Variants in NLRP14 observed in about 807,000 individuals in gnomAD.
NLRP14 encodes the protein NACHT, LRR and PYD domains-containing protein 14.
In NLRP14, 105 loss-of-function variants were observed where a neutral mutation model predicts 94.7. The ratio of observed to expected loss-of-function variants is 1.11; its 90% confidence interval spans 0.95 to 1.30. The LOEUF is 1.30. NLRP14 is among the 50% of genes most tolerant of loss of function. The pLI, the probability that NLRP14 is intolerant of heterozygous loss-of-function variation, is 0.00. For synonymous variants in NLRP14, 508 were observed against 459.9 expected (o/e 1.10, Z -1.34); for missense variants, 1,362 against 1,254.1 (o/e 1.09, Z -1.30).
At chr11:7,060,872 A>G (rs968490823) in intron 9 of NLRP14, among the ~76,000 whole-genome samples, 4 of 152,076 alleles carry the variant, frequency 2.6e-5, no homozygotes, top group African/African-American at 9.7e-5. Context: ...AAAAAAAGAA[A>G]TACATTGAAA....
chr11:7,080,017 A>T, the NLRP14 span, among the ~76,000 whole-genome samples: 2 of 152,224 alleles, frequency 1.3e-5, no homozygotes, highest in African/African-American at 4.8e-5. Context: ...ACTGGCGGGA[A>T]GGTTGTTTAC....
Position 7,042,410 on chromosome 11 carries a change from T to C in NLRP14, c.384T>C (p.Asn128=), listed in dbSNP as rs368336982. The change falls in exon 4 of 12, where the codon AAT becomes AAC. Residue 128 remains asparagine (N), a synonymous_variant. Coordinates refer to ENST00000299481, the MANE Select transcript of NLRP14 (RefSeq NM_176822.4). Reference sequence around the variant, plus strand: ...TAGGTGATGGAACAGAATACAGAAATAGAATAAAGGAAAAATTTTGCATCA... The same window carrying C: ...TAGGTGATGGAACAGAATACAGAAACAGAATAAAGGAAAAATTTTGCATCA... ...AVLGDGTEYR[N]RIKEKFCITW... is the part of the protein sequence containing the mutation. 1.8e-5 allele frequency: 29 copies of C among 1,613,926 alleles called. No individual in the cohort carries two copies. In the African/African-American group the frequency reaches 3.5e-4, roughly 19 times the overall value.
intron 6 of NLRP14, among the ~76,000 whole-genome samples, chr11:7,054,891 TG>T (rs763876637): frequency 1.3e-5 from 2 of 152,174 alleles, no homozygotes; most frequent in Non-Finnish European, 2.9e-5. Flanking sequence ...TCCAATGTCC[TG>T]GAGCATTTCC....
At chr11:7,073,962 G>C (rs922779167), downstream of NLRP14, among the ~76,000 whole-genome samples, 1 of 152,056 alleles carries the variant, frequency 6.6e-6, no homozygotes, top group African/African-American at 2.4e-5. Flanking sequence ...TTTGGAGGTC[G>C]GGATGGGGAG....
At chr11:7,024,485 A>G (rs1313296803) in intron 1 of NLRP14, among the ~76,000 whole-genome samples, 1 of 152,168 alleles carries the variant, frequency 6.6e-6, no homozygotes, top group Non-Finnish European at 1.5e-5. Context: ...AAAGACCCCT[A>G]CTTGAATGAG....
Position 7,067,050 on chromosome 11 carries a change from C to T in NLRP14, c.2976-3236C>T, listed in dbSNP as rs917086439. Among the ~76,000 whole-genome samples, 3 of 151,962 alleles carry T rather than the reference C, an allele frequency of 2.0e-5. No individual in the cohort carries two copies. In the East Asian group the frequency reaches 5.8e-4, roughly 29 times the overall value. Reference sequence around the variant, plus strand: ...TATTTCTGAGGCTTTTGCTCTGTTCCATTGGTCTATATATCTGTTTTGGTA... The same window carrying T: ...TATTTCTGAGGCTTTTGCTCTGTTCTATTGGTCTATATATCTGTTTTGGTA... On this transcript the variant is annotated intron_variant, in intron 10 of 11. Transcript: ENST00000299481.
At chr11:7,048,127 G>C (rs1382127727) in intron 5 of NLRP14, among the ~76,000 whole-genome samples, 1 of 152,076 alleles carries the variant, frequency 6.6e-6, no homozygotes, top group Non-Finnish European at 1.5e-5. Flanking sequence ...ACTTTTAGTA[G>C]TTTCTTTTTT....
the NLRP14 span, chr11:7,089,643 G>A: frequency 7.6e-6 from 10 of 1,319,248 alleles, no homozygotes; most frequent in African/African-American, 1.6e-5. Context: ...CAGCAGCGGC[G>A]GTGGAATGCG....
rs1852586408 is a variant in NLRP14, at chr11:7,059,881, G to A, written c.2634-13G>A. The A allele has an allele frequency of 6.2e-7, 1 of 1,607,672 alleles. No individual in the cohort carries two copies. The highest frequency in any genetic ancestry group is 1.1e-5 in the South Asian group (1 of 90,894). ...CAATGATTCCATCTTTCTTCACATT[G>A]TCCTTCCTGTAGGCTGAGGCGTTGC... On this transcript the variant is annotated splice_polypyrimidine_tract_variant and intron_variant, in intron 8 of 11. Coordinates refer to ENST00000299481, the MANE Select transcript of NLRP14 (RefSeq NM_176822.4).
chr11:7,043,103 T>A lies in NLRP14; in HGVS notation c.1077T>A (p.Asn359Lys). 1 of 1,612,468 alleles carries A rather than the reference T, an allele frequency of 6.2e-7. No homozygotes were observed. The highest frequency in any genetic ancestry group is 8.5e-7 in the Non-Finnish European group (1 of 1,178,508). The change falls in exon 4 of 12, where the codon AAT becomes AAA. Residue 359 changes from asparagine to lysine, a missense_variant. Asn to Lys is a moderately conservative substitution (Grantham distance 94). Transcript: ENST00000299481. ...AAGTATTCAGTTCACTAAAAAGCAA[T>A]GAGATGCTGTTTAGCATGTGCCAAG... ...AMKVFSSLKS[N>K]EMLFSMCQVP...
At chr11:7,057,952 C>T (rs541145306) in intron 7 of NLRP14, 105 bp downstream of exon 7, 53 of 906,896 alleles carry the variant, frequency 5.8e-5, no homozygotes, top group South Asian at 4.3e-4. Context: ...CTAACTGGCT[C>T]GTTTGTCAAT....
chr11:7,065,227 G>A (rs1852687945), intron 10 of NLRP14, among the ~76,000 whole-genome samples: 1 of 151,960 alleles, frequency 6.6e-6, no homozygotes, highest in Non-Finnish European at 1.5e-5. Context: ...ATTTATTTAG[G>A]TCTATCAATA....
intron 4 of NLRP14, among the ~76,000 whole-genome samples, chr11:7,045,721 CTT>C (rs1419194994): frequency 1.3e-5 from 2 of 151,662 alleles, no homozygotes; most frequent in African/African-American, 4.8e-5. Context: ...ACACACTAGA[CTT>C]TTACATGTTT....
chr11:7,078,805 A>C, the NLRP14 span, among the ~76,000 whole-genome samples: 1 of 152,140 alleles, frequency 6.6e-6, no homozygotes. Flanking sequence ...AAAATTGATT[A>C]AATCTTTTAA....
intron 1 of NLRP14, among the ~76,000 whole-genome samples, chr11:7,033,589 T>C (rs535019882): frequency 6.6e-6 from 1 of 152,364 alleles, no homozygotes; most frequent in East Asian, 1.9e-4. Flanking sequence ...ATTTTAGTAG[T>C]TAATACAAAC....
At chr11:7,041,475 T>C (rs561586615) in intron 3 of NLRP14, among the ~76,000 whole-genome samples, 1 of 152,282 alleles carries the variant, frequency 6.6e-6, no homozygotes, top group East Asian at 1.9e-4. Flanking sequence ...AGAAACTTCA[T>C]ATCTTTTTTG....
chr11:7,037,986 A>G (rs1321915371), intron 1 of NLRP14, among the ~76,000 whole-genome samples: 2 of 152,188 alleles, frequency 1.3e-5, no homozygotes, highest in South Asian at 2.1e-4. Context: ...CTCAGTAATT[A>G]TATATGTATT....
Position 7,042,854 on chromosome 11 carries a change from C to CGAA in NLRP14, c.831_833dup (p.Glu277dup). ...TTGAAGAACCTGAGTTTGCACTGTGCGAAGACTGGACCCAAGAACACCCAG... is the reference window on the plus strand; with the variant it reads ...TTGAAGAACCTGAGTTTGCACTGTGCGAAGAAGACTGGACCCAAGAACACCCAG... On this transcript the variant is annotated inframe_insertion, in exon 4 of 12. Coordinates refer to ENST00000299481, the MANE Select transcript of NLRP14 (RefSeq NM_176822.4). The CGAA allele has an allele frequency of 6.2e-7, 1 of 1,614,082 alleles. No homozygotes were observed. The highest frequency in any genetic ancestry group is 8.5e-7 in the Non-Finnish European group (1 of 1,180,022).
In NLRP14 at chr11:7,043,720, A is replaced by C; in HGVS notation, c.1694A>C (p.Glu565Ala). 6.2e-7 allele frequency: 1 copy of C among 1,614,124 alleles called. No individual in the cohort carries two copies. Among genetic ancestry groups the C allele is most frequent in the Non-Finnish European group, 8.5e-7 (1 of 1,179,992 alleles). The change falls in exon 4 of 12, where the codon GAA (glutamate) becomes GCA (alanine). Residue 565 changes from glutamate to alanine, a missense_variant. Transcript: ENST00000299481. ...AAATCAAAGTTACTTCAGTGTATGG[A>C]AGTATTAGGAAACAGTGACTATTCT... ...KIKSKLLQCM[E>A]VLGNSDYSPS...
Sources: allele counts gnomAD v4.1 joint callset (sites outside exome capture counted in the v4.1 genomes callset), GRCh38; gene constraint gnomAD v4.1.1; transcripts MANE v1.5; gene names NCBI Gene and HGNC (gene_info 2026-07-23, HGNC 2026-07-21).